Variants in FHIT observed in about 807,000 individuals in gnomAD.
FHIT encodes fragile histidine triad diadenosine triphosphatase, also known as bis(5'-adenosyl)-triphosphatase.
FHIT carries 19 observed loss-of-function variants against 17.9 expected under a neutral mutation model. That is an observed-to-expected ratio of 1.06 (90% CI 0.74 to 1.56). FHIT has a LOEUF of 1.56. Among genes scored for constraint, FHIT ranks in the 40% most tolerant of loss-of-function variants. The pLI is 0.00. For synonymous variants in FHIT, 81 were observed against 69.7 expected (o/e 1.16, Z -0.81); for missense variants, 248 against 189.2 (o/e 1.31, Z -1.82).
intron 4 of FHIT, among the ~76,000 whole-genome samples, chr3:60,821,645 C>G (rs1043318372): frequency 1.4e-4 from 22 of 152,104 alleles, no homozygotes; most frequent in African/African-American, 4.6e-4. Flanking sequence ...AGCTACATTT[C>G]ATGGAAAAGA....
intron 2 of FHIT, among the ~76,000 whole-genome samples, chr3:61,053,561 G>A (rs1428618297): frequency 6.6e-6 from 1 of 152,060 alleles, no homozygotes; most frequent in African/African-American, 2.4e-5. Context: ...AAGAGGCTGA[G>A]GCAGGAGAAT....
At chr3:61,135,114 G>C (rs2036874902) in intron 2 of FHIT, among the ~76,000 whole-genome samples, 1 of 152,128 alleles carries the variant, frequency 6.6e-6, no homozygotes, top group African/African-American at 2.4e-5. Flanking sequence ...TGGCCACAGG[G>C]GCATCTGCCA....
chr3:60,448,761 A>G (rs1422320792), intron 5 of FHIT, among the ~76,000 whole-genome samples: 1 of 152,186 alleles, frequency 6.6e-6, no homozygotes, highest in East Asian at 1.9e-4. Context: ...TGAGCTTAAT[A>G]TAAAATTAAT....
At chr3:61,078,747 A>G (rs1382195437) in intron 2 of FHIT, among the ~76,000 whole-genome samples, 2 of 152,208 alleles carry the variant, frequency 1.3e-5, no homozygotes. Flanking sequence ...AAAGGCTAAA[A>G]GTACCACCTA....
chr3:60,291,509 G>GC (rs1707983296), intron 5 of FHIT, among the ~76,000 whole-genome samples: 1 of 152,126 alleles, frequency 6.6e-6, no homozygotes, highest in Non-Finnish European at 1.5e-5. Flanking sequence ...GCCCCAGGTA[G>GC]CCCTTTTCTG....
chr3:60,065,457 A>T (rs776980527), intron 5 of FHIT, among the ~76,000 whole-genome samples: 8 of 152,164 alleles, frequency 5.3e-5, no homozygotes, highest in Non-Finnish European at 1.0e-4. Context: ...TTAAGTACCT[A>T]GGACCCAGTA....
At chr3:59,810,434 G>A (rs146444483) in intron 8 of FHIT, among the ~76,000 whole-genome samples, 1 of 152,166 alleles carries the variant, frequency 6.6e-6, no homozygotes, top group Admixed American at 6.5e-5. Context: ...AATCAAAGCT[G>A]GCCCCCTATC....
intron 5 of FHIT, among the ~76,000 whole-genome samples, chr3:60,112,825 T>A (rs1449622782): frequency 1.3e-5 from 2 of 152,188 alleles, no homozygotes; most frequent in African/African-American, 4.8e-5. Flanking sequence ...GCCTTTGATA[T>A]GTTCTAACAG....
At chr3:60,644,054 G>C (rs1016603572) in intron 4 of FHIT, among the ~76,000 whole-genome samples, 43 of 152,170 alleles carry the variant, frequency 2.8e-4, no homozygotes, top group African/African-American at 9.2e-4. Flanking sequence ...GGTAGAGCTT[G>C]GCAAAGGGAA....
intron 3 of FHIT, among the ~76,000 whole-genome samples, chr3:60,851,281 AT>A (rs1703143181): frequency 6.6e-6 from 1 of 152,128 alleles, no homozygotes; most frequent in African/African-American, 2.4e-5. Context: ...AGGAGGTCCA[AT>A]AGAGGCTTTC....
chr3:59,863,441 T>G (rs1702494787), intron 8 of FHIT, among the ~76,000 whole-genome samples: 1 of 152,200 alleles, frequency 6.6e-6, no homozygotes, highest in South Asian at 2.1e-4. Context: ...GGATAACTTA[T>G]TTGCTGTCAT....
intron 8 of FHIT, among the ~76,000 whole-genome samples, chr3:59,834,378 C>G (rs12492524): frequency 0.5 from 76,339 of 151,958 alleles, 21,290 homozygotes; most frequent in Middle Eastern, 0.71. Context: ...AATAGACAGA[C>G]AGACAGATAG....
intron 5 of FHIT, among the ~76,000 whole-genome samples, chr3:60,211,723 G>T (rs1468734462): frequency 6.6e-6 from 1 of 152,154 alleles, no homozygotes; most frequent in Non-Finnish European, 1.5e-5. Context: ...CTGAGGTTTT[G>T]TTGGGGAAGG....
intron 3 of FHIT, among the ~76,000 whole-genome samples, chr3:60,964,547 G>C (rs1257237670): frequency 6.6e-6 from 1 of 152,100 alleles, no homozygotes; most frequent in Admixed American, 6.5e-5. Context: ...TTACAATTTG[G>C]CATGTTTTTG....
intron 4 of FHIT, among the ~76,000 whole-genome samples, chr3:60,566,066 T>C (rs1035996270): frequency 1.3e-5 from 2 of 152,088 alleles, no homozygotes; most frequent in African/African-American, 4.8e-5. Context: ...TGTAGTTGAG[T>C]GGTTTTGAGT....
rs902124549 is a variant in FHIT, at chr3:60,353,166, C to G, written c.103+183694G>C. On this transcript the variant is annotated intron_variant, in intron 5 of 9. Transcript: ENST00000492590. Reference sequence around the variant, plus strand: ...CTATGACCCCTTCTTCAGACTTAACCTAATTCCTTCTGAAAGCCAAAAATT... The same window carrying G: ...CTATGACCCCTTCTTCAGACTTAACGTAATTCCTTCTGAAAGCCAAAAATT... Among the ~76,000 whole-genome samples, 6 of 152,152 alleles carry G rather than the reference C, an allele frequency of 3.9e-5. No individual in the cohort carries two copies. In the East Asian group the frequency reaches 5.8e-4, roughly 15 times the overall value.
intron 8 of FHIT, among the ~76,000 whole-genome samples, chr3:59,879,650 C>T (rs751757358): frequency 4.6e-5 from 7 of 152,060 alleles, no homozygotes; most frequent in African/African-American, 1.2e-4. Context: ...CCTAACATTA[C>T]GTAGGGTCGA....
intron 5 of FHIT, among the ~76,000 whole-genome samples, chr3:60,179,754 C>A (rs55714398): frequency 0.18 from 28,081 of 152,016 alleles, 3,158 homozygotes; most frequent in East Asian, 0.31. Flanking sequence ...CTGGCCCCAG[C>A]TAGAACCCTG....
At chr3:59,913,368 G>T (rs1054879484) in intron 8 of FHIT, among the ~76,000 whole-genome samples, 3 of 152,110 alleles carry the variant, frequency 2.0e-5, no homozygotes, top group African/African-American at 4.8e-5. Context: ...TAAAGCAAAG[G>T]GTGATAGAAA....
Sources: gnomAD v4.1 joint callset for allele counts (sites outside exome capture counted in the v4.1 genomes callset) on GRCh38, gnomAD v4.1.1 for gene constraint, MANE v1.5 for transcripts, NCBI Gene and HGNC (gene_info 2026-07-23, HGNC 2026-07-21) for gene names.